The following TXNRD1 variants were observed in gnomAD, a reference collection of about 807,000 sequenced individuals.
TXNRD1 encodes thioredoxin reductase 1.
Under a neutral mutation model 80.3 loss-of-function variants are expected in TXNRD1, and 57 were observed. That is an observed-to-expected ratio of 0.71 (90% CI 0.57 to 0.89). TXNRD1 has a LOEUF of 0.89. TXNRD1 is among the 40% of genes least tolerant of loss of function. The pLI, the probability that TXNRD1 is intolerant of heterozygous loss-of-function variation, is 0.00. For synonymous variants in TXNRD1, 291 were observed against 285.2 expected, an observed-to-expected ratio of 1.02 and a Z score of -0.20; for missense variants, 730 against 803.0, an observed-to-expected ratio of 0.91 and a Z score of 1.10.
chr12:104,336,224 T>C (rs981246886), intron 15 of TXNRD1, among the ~76,000 whole-genome samples: 1 of 152,218 alleles, frequency 6.6e-6, no homozygotes, highest in Admixed American at 6.5e-5. Context: ...CATATGTATT[T>C]TGCTCTTTTT....
At position 104,286,826 on chromosome 12, in the gene TXNRD1, G is replaced by A. The variant is rs1018948179; in HGVS notation, c.305-2105G>A. 8 of 1,052,336 alleles carry A rather than the reference G, an allele frequency of 7.6e-6. No individual in the cohort carries two copies. In the African/African-American group the frequency reaches 1.4e-4, roughly 18 times the overall value. The allele number at this position is 1,052,336 out of a possible 1,614,324, so 65.2% of individuals were successfully genotyped here. A position where few individuals can be genotyped will look rare whatever the true frequency, so the allele number is the denominator to read the frequency against. Reference sequence around the variant, plus strand: ...GTTTTTGCTCTGTTCTTAGGTTGGGGGCGGCTATGAGCAGGCAGAGGATGT... The same window carrying A: ...GTTTTTGCTCTGTTCTTAGGTTGGGAGCGGCTATGAGCAGGCAGAGGATGT... On this transcript the variant is annotated intron_variant, in intron 3 of 16. Coordinates refer to ENST00000525566, the MANE Select transcript of TXNRD1 (RefSeq NM_001093771.3).
chr12:104,299,661 G>A (rs111735152), intron 4 of TXNRD1, among the ~76,000 whole-genome samples: 1,906 of 151,914 alleles, frequency 0.013, 45 homozygotes, highest in African/African-American at 0.044. Flanking sequence ...CAGCTACTCG[G>A]GAGGCTGAGG....
chr12:104,283,560 G>T lies in TXNRD1; in HGVS notation c.305-5371G>T, dbSNP rs1565876698. 2.6e-5 allele frequency among the ~76,000 whole-genome samples: 4 copies of T among 151,730 alleles called. No homozygotes were observed. The South Asian group carries it at 6.2e-4, about 24-fold the overall frequency. On this transcript the variant is annotated intron_variant, in intron 3 of 16. Coordinates refer to ENST00000525566, the MANE Select transcript of TXNRD1 (RefSeq NM_001093771.3). Reference sequence around the variant, plus strand: ...CCATTGCACCCGGCCTCACACTCTGGCTTCTTAACACATTTAAAATGAAAT... The same window carrying T: ...CCATTGCACCCGGCCTCACACTCTGTCTTCTTAACACATTTAAAATGAAAT...
At chr12:104,288,349 C>T (rs921632857) in intron 3 of TXNRD1, among the ~76,000 whole-genome samples, 2 of 152,054 alleles carry the variant, frequency 1.3e-5, no homozygotes, top group African/African-American at 4.8e-5. Flanking sequence ...CTGAGTTCAC[C>T]CCTTTGTGAA....
At chr12:104,216,540 A>C (rs2032218819) in intron 1 of TXNRD1, among the ~76,000 whole-genome samples, 1 of 152,234 alleles carries the variant, frequency 6.6e-6, no homozygotes, top group South Asian at 2.1e-4. Flanking sequence ...GTGGTTACTA[A>C]GCACTGACAT....
At chr12:104,268,250 G>T (rs1365192215) in intron 3 of TXNRD1, among the ~76,000 whole-genome samples, 1 of 150,046 alleles carries the variant, frequency 6.7e-6, no homozygotes, top group Non-Finnish European at 1.5e-5. Flanking sequence ...GGTGGCTCAC[G>T]CCTGTAATCC....
At chr12:104,248,992 A>G (rs1247569145) in intron 1 of TXNRD1, among the ~76,000 whole-genome samples, 1 of 152,192 alleles carries the variant, frequency 6.6e-6, no homozygotes, top group East Asian at 1.9e-4. Flanking sequence ...CAGAGAAATT[A>G]CAAGCGAGAA....
chr12:104,308,855 A>C, intron 4 of TXNRD1, among the ~76,000 whole-genome samples: 1 of 150,392 alleles, frequency 6.6e-6, no homozygotes, highest in Non-Finnish European at 1.5e-5. Flanking sequence ...GAATGATAGC[A>C]CTTTCAATTT....
intron 2 of TXNRD1, among the ~76,000 whole-genome samples, chr12:104,253,885 G>A (rs1312413138): frequency 2.0e-5 from 3 of 152,076 alleles, no homozygotes; most frequent in Non-Finnish European, 4.4e-5. Flanking sequence ...TAGAGATGGG[G>A]TTTCACTATG....
chr12:104,328,597 A>T (rs996965139), intron 13 of TXNRD1, among the ~76,000 whole-genome samples: 2 of 152,174 alleles, frequency 1.3e-5, no homozygotes, highest in Admixed American at 6.5e-5. Flanking sequence ...TCTACTAAAA[A>T]TACAAAAAAT....
At chr12:104,272,622 T>C (rs554722636) in intron 3 of TXNRD1, among the ~76,000 whole-genome samples, 9 of 152,120 alleles carry the variant, frequency 5.9e-5, no homozygotes, top group African/African-American at 2.2e-4. Flanking sequence ...AAACCCAGTC[T>C]CTACTAAAAA....
chr12:104,238,517 G>A (rs573140013), intron 1 of TXNRD1, among the ~76,000 whole-genome samples: 6 of 152,258 alleles, frequency 3.9e-5, no homozygotes, highest in Middle Eastern at 3.4e-3. Context: ...AAAAGATGTT[G>A]TGGGTTTTTC....
chr12:104,265,436 G>A, intron 3 of TXNRD1: 2 of 1,602,852 alleles, frequency 1.2e-6, no homozygotes, highest in Admixed American at 1.7e-5. Flanking sequence ...GCCAAGTCCC[G>A]CTTCTGGTAC....
intron 1 of TXNRD1, among the ~76,000 whole-genome samples, chr12:104,243,178 TG>T (rs756730397): frequency 9.5e-4 from 145 of 152,360 alleles, no homozygotes; most frequent in Admixed American, 2.0e-3. Flanking sequence ...TATTTCAATT[TG>T]GTAAATAAAT....
chr12:104,318,988 C>T lies in TXNRD1; in HGVS notation c.806C>T (p.Ala269Val). 6.2e-7 allele frequency: 1 copy of T among 1,613,798 alleles called. No individual in the cohort carries two copies. Among genetic ancestry groups the T allele is most frequent in the Non-Finnish European group, 8.5e-7 (1 of 1,179,844 alleles). ...TCTTTGAATTGGGGCTACCGAGTAG[C>T]TCTGCGGGAGAAAAAAGTCGTCTAT... ...IGSLNWGYRV[A>V]LREKKVVYEN... The change falls in exon 8 of 17, where the codon GCT becomes GTT. Residue 269 changes from alanine to valine, a missense_variant. By Grantham distance (64) the Ala-to-Val change is moderately conservative. Coordinates refer to ENST00000525566, the MANE Select transcript of TXNRD1 (RefSeq NM_001093771.3).
chr12:104,249,808 G>A (rs545819073), intron 1 of TXNRD1, among the ~76,000 whole-genome samples: 21 of 151,776 alleles, frequency 1.4e-4, no homozygotes, highest in African/African-American at 1.9e-4. Context: ...GGTGGCAGGC[G>A]CCTGTAGTCC....
chr12:104,288,870 T>G, intron 3 of TXNRD1, 61 bp from the exon 4 acceptor site: 1 of 1,613,372 alleles, frequency 6.2e-7, no homozygotes, highest in Admixed American at 1.7e-5. Flanking sequence ...CCGGCGCAGT[T>G]CCCGCCTGTT....
intron 4 of TXNRD1, among the ~76,000 whole-genome samples, chr12:104,302,486 CTTTTTTTTT>C (rs772202256): frequency 1.3e-5 from 1 of 76,226 alleles, no homozygotes; most frequent in East Asian, 3.6e-4. Flanking sequence ...TATTCATTCC[CTTTTTTTTT>C]TTTTTTTTTT....
chr12:104,324,904 G>A (rs2035702872), intron 10 of TXNRD1, among the ~76,000 whole-genome samples: 1 of 152,130 alleles, frequency 6.6e-6, no homozygotes, highest in Admixed American at 6.5e-5. Flanking sequence ...TCTATCCTTT[G>A]TTGTCAATGA....
Sources: gnomAD v4.1 joint callset for allele counts (sites outside exome capture counted in the v4.1 genomes callset) on GRCh38, gnomAD v4.1.1 for gene constraint, MANE v1.5 for transcripts, NCBI Gene and HGNC (gene_info 2026-07-23, HGNC 2026-07-21) for gene names.